The following UNC5D variants were observed in gnomAD, a reference collection of about 807,000 sequenced individuals.
The protein encoded by UNC5D is netrin receptor UNC5D.
UNC5D carries 39 observed loss-of-function variants against 105.4 expected under a neutral mutation model. The observed-to-expected ratio is 0.37, with a 90% confidence interval of 0.29 to 0.48. The LOEUF (loss-of-function observed/expected upper bound fraction) is 0.48. Ranked by LOEUF, UNC5D falls within the 20% of genes least tolerant of loss-of-function variation. The probability of loss-of-function intolerance (pLI) is 0.98; values close to 1 mark genes in which losing one functional copy is unlikely to be tolerated. For synonymous variants in UNC5D, 452 were observed against 450.4 expected (o/e 1.00, Z -0.04); for missense variants, 991 against 1,202.4 (o/e 0.82, Z 2.60).
chr8:35,273,594 G>T lies in UNC5D; in HGVS notation c.103+37707G>T, dbSNP rs543902611. On this transcript the variant is annotated intron_variant, in intron 1 of 16. Coordinates refer to ENST00000404895, the MANE Select transcript of UNC5D (RefSeq NM_080872.4). ...TTTATGTTTAGAAAGCTCCCCAAAA[G>T]GTGGATTTCAGAAGTATTTTTCCCC... Among the ~76,000 whole-genome samples, 6 of 152,260 alleles carry T rather than the reference G, an allele frequency of 3.9e-5. No homozygotes were observed. In the East Asian group the frequency reaches 7.7e-4, roughly 20 times the overall value.
At chr8:35,602,716 G>A (rs1819979953) in intron 4 of UNC5D, among the ~76,000 whole-genome samples, 1 of 152,054 alleles carries the variant, frequency 6.6e-6, no homozygotes, top group Admixed American at 6.6e-5. Context: ...CTTGCTAGCA[G>A]TCTATCTATT....
intron 1 of UNC5D, among the ~76,000 whole-genome samples, chr8:35,295,295 C>T (rs947729963): frequency 6.6e-6 from 1 of 152,026 alleles, no homozygotes; most frequent in Non-Finnish European, 1.5e-5. Flanking sequence ...ATTAGTATCT[C>T]TATATACTTT....
At chr8:35,595,330 A>G (rs1819422418) in intron 3 of UNC5D, among the ~76,000 whole-genome samples, 1 of 152,090 alleles carries the variant, frequency 6.6e-6, no homozygotes, top group African/African-American at 2.4e-5. Context: ...CATCCTTCAC[A>G]TCAATATAGG....
At chr8:35,397,096 A>G (rs1414705109) in intron 1 of UNC5D, among the ~76,000 whole-genome samples, 5 of 146,254 alleles carry the variant, frequency 3.4e-5, no homozygotes, top group Admixed American at 1.4e-4. Context: ...TAGTAAAGAC[A>G]GGTTTCACCA....
At chr8:35,613,273 T>A (rs1045628443) in intron 4 of UNC5D, among the ~76,000 whole-genome samples, 2 of 152,188 alleles carry the variant, frequency 1.3e-5, no homozygotes, top group African/African-American at 4.8e-5. Context: ...TGAGGTTTTG[T>A]CATGTTGCTC....
At chr8:35,684,240 T>C (rs1472242967) in intron 5 of UNC5D, among the ~76,000 whole-genome samples, 1 of 152,236 alleles carries the variant, frequency 6.6e-6, no homozygotes, top group Admixed American at 6.5e-5. Context: ...CTGGGATTTA[T>C]TTTTGAAGCA....
intron 1 of UNC5D, among the ~76,000 whole-genome samples, chr8:35,253,431 T>A (rs1450589172): frequency 1.3e-5 from 2 of 151,760 alleles, no homozygotes; most frequent in Non-Finnish European, 2.9e-5. Flanking sequence ...GGAGTAGATT[T>A]TTTTTTTCCC....
At chr8:35,505,081 C>T (rs1363077456) in intron 1 of UNC5D, among the ~76,000 whole-genome samples, 1 of 152,052 alleles carries the variant, frequency 6.6e-6, no homozygotes, top group Non-Finnish European at 1.5e-5. Context: ...TGATGTATAC[C>T]CCATACCCTG....
chr8:35,305,486 A>G (rs934338449), intron 1 of UNC5D, among the ~76,000 whole-genome samples: 2 of 152,102 alleles, frequency 1.3e-5, no homozygotes, highest in Admixed American at 1.3e-4. Flanking sequence ...AAAATACCAT[A>G]GAATTGTGTG....
At chr8:35,474,786 C>CA (rs1237369958) in intron 1 of UNC5D, among the ~76,000 whole-genome samples, 1 of 152,138 alleles carries the variant, frequency 6.6e-6, no homozygotes, top group Non-Finnish European at 1.5e-5. Flanking sequence ...TTGGTTGTTG[C>CA]AGTAGCTAAG....
intron 1 of UNC5D, among the ~76,000 whole-genome samples, chr8:35,532,025 TGGA>T (rs1350719756): frequency 2.8e-5 from 4 of 142,586 alleles, no homozygotes; most frequent in South Asian, 5.0e-4. Flanking sequence ...GTCTTTTAAT[TGGA>T]GCATTTAGTC....
intron 11 of UNC5D, among the ~76,000 whole-genome samples, chr8:35,745,310 G>C (rs1390868756): frequency 6.6e-6 from 1 of 152,120 alleles, no homozygotes; most frequent in East Asian, 1.9e-4. Flanking sequence ...TGGATGTCTA[G>C]GGGAAAACTC....
chr8:35,534,479 G>C (rs997456018), intron 1 of UNC5D, among the ~76,000 whole-genome samples: 3 of 151,802 alleles, frequency 2.0e-5, no homozygotes, highest in African/African-American at 7.3e-5. Context: ...GAAACCTTGT[G>C]TTGATGGTTC....
intron 1 of UNC5D, among the ~76,000 whole-genome samples, chr8:35,508,841 A>T (rs1812502510): frequency 6.6e-6 from 1 of 152,234 alleles, no homozygotes; most frequent in South Asian, 2.1e-4. Context: ...TGCAGTCTAG[A>T]AATGAACTGG....
chr8:35,701,931 T>G (rs2131428140), intron 7 of UNC5D, among the ~76,000 whole-genome samples: 1 of 148,980 alleles, frequency 6.7e-6, no homozygotes, highest in South Asian at 2.1e-4. Flanking sequence ...ATATATATTT[T>G]ATTTTGGATG....
chr8:35,525,357 A>C, intron 1 of UNC5D: 1 of 1,612,156 alleles, frequency 6.2e-7, no homozygotes, highest in Non-Finnish European at 8.5e-7. Context: ...TTCTTCCATG[A>C]CTACGATGTT....
chr8:35,600,533 A>G (rs1819794956), intron 4 of UNC5D, among the ~76,000 whole-genome samples: 1 of 152,102 alleles, frequency 6.6e-6, no homozygotes. Context: ...TTTGATTTGC[A>G]TTTCTCTGAT....
chr8:35,247,673 TA>T (rs1803228468), intron 1 of UNC5D, among the ~76,000 whole-genome samples: 1 of 16,366 alleles, frequency 6.1e-5, no homozygotes, highest in African/African-American at 3.0e-4. Flanking sequence ...ATATAATATA[TA>T]AATATATATT....
At chr8:35,641,366 CAAAAAAAAAAAAAAAAAAAG>C (rs1198851612) in intron 4 of UNC5D, among the ~76,000 whole-genome samples, 3 of 44,292 alleles carry the variant, frequency 6.8e-5, no homozygotes, top group Non-Finnish European at 8.5e-5. Flanking sequence ...AAAAATAAAG[CAAAAAAAAAAAAAAAAAAAG>C]AAAAAAAAAA....
Sources: gnomAD v4.1 joint callset for allele counts (sites outside exome capture counted in the v4.1 genomes callset) on GRCh38, gnomAD v4.1.1 for gene constraint, MANE v1.5 for transcripts, NCBI Gene and HGNC (gene_info 2026-07-23, HGNC 2026-07-21) for gene names.